The following MRPS6 variants were observed in gnomAD, a reference collection of about 807,000 sequenced individuals.
MRPS6 encodes small ribosomal subunit protein bS6m.
A neutral mutation model predicts 13.1 loss-of-function variants in MRPS6; 6 were observed. The ratio of observed to expected loss-of-function variants is 0.46; its 90% CI spans 0.25 to 0.91. The LOEUF (loss-of-function observed/expected upper bound fraction) is 0.91. Ranked by LOEUF, MRPS6 falls within the 40% of genes least tolerant of loss-of-function variation. MRPS6 has a pLI of 0.18. For synonymous variants in MRPS6, 61 were observed against 56.5 expected (o/e 1.08, Z -0.36); for missense variants, 164 against 155.6 (o/e 1.05, Z -0.29).
At chr21:34,083,873 C>G (rs1315324573) in intron 1 of MRPS6, among the ~76,000 whole-genome samples, 2 of 152,134 alleles carry the variant, frequency 1.3e-5, no homozygotes, top group African/African-American at 4.8e-5. Context: ...TTAGGATGGA[C>G]TCATTGGAAA....
intron 1 of MRPS6, chr21:34,124,830 T>C (rs1439888618): frequency 6.5e-6 from 1 of 153,866 alleles, no homozygotes; most frequent in Non-Finnish European, 1.4e-5. Flanking sequence ...AGGGCAGAGT[T>C]TGGGTCTGAT....
chr21:34,128,412 G>C (rs978023841), intron 2 of MRPS6, among the ~76,000 whole-genome samples: 1 of 152,148 alleles, frequency 6.6e-6, no homozygotes, highest in Non-Finnish European at 1.5e-5. Context: ...CAGTAGGCTG[G>C]AAGAAAAGAG....
At chr21:34,132,284 C>T (rs375209012) in intron 2 of MRPS6, among the ~76,000 whole-genome samples, 18 of 152,122 alleles carry the variant, frequency 1.2e-4, no homozygotes, top group Admixed American at 6.5e-5. Context: ...GTTTTGGTAG[C>T]GTTTTCTTTC....
intron 1 of MRPS6, chr21:34,095,274 T>C (rs372120062): frequency 6.2e-6 from 10 of 1,614,078 alleles, no homozygotes; most frequent in Non-Finnish European, 8.5e-6. Context: ...CATTGGTTTT[T>C]TTGCCATGTG....
At chr21:34,102,715 CA>C in intron 1 of MRPS6, 1 of 1,000,118 alleles carries the variant, frequency 1.0e-6, no homozygotes, top group Non-Finnish European at 1.2e-6. Context: ...CAAATCAAGA[CA>C]AAACACAGTG....
At chr21:34,125,221 A>G (rs1249246487) in intron 1 of MRPS6, 120 bp from the exon 2 acceptor site, 1 of 1,430,152 alleles carries the variant, frequency 7.0e-7, no homozygotes, top group Non-Finnish European at 9.2e-7. Context: ...TGTTGCTTTT[A>G]CCCAGCGATT....
chr21:34,116,273 C>T (rs1038643902), intron 1 of MRPS6, among the ~76,000 whole-genome samples: 1 of 149,518 alleles, frequency 6.7e-6, no homozygotes, highest in African/African-American at 2.5e-5. Context: ...GTCTCGAACT[C>T]CTGGGCTCAA....
chr21:34,077,168 T>C (rs573905102), intron 1 of MRPS6, among the ~76,000 whole-genome samples: 2 of 152,346 alleles, frequency 1.3e-5, no homozygotes, highest in South Asian at 2.1e-4. Context: ...TTTCACTTGA[T>C]AATTAGATTT....
intron 1 of MRPS6, among the ~76,000 whole-genome samples, chr21:34,078,229 A>G (rs933293948): frequency 1.3e-5 from 2 of 152,102 alleles, no homozygotes; most frequent in Non-Finnish European, 2.9e-5. Context: ...GCTTGAAACC[A>G]GGCAACTTAA....
At chr21:34,104,325 A>C in intron 1 of MRPS6, 3 of 1,000,022 alleles carry the variant, frequency 3.0e-6, no homozygotes, top group Non-Finnish European at 3.6e-6. Flanking sequence ...GTGTGTGTAG[A>C]AGAAAACGTA....
intron 1 of MRPS6, among the ~76,000 whole-genome samples, chr21:34,074,290 C>T (rs774425042): frequency 1.3e-5 from 2 of 152,066 alleles, no homozygotes; most frequent in African/African-American, 2.4e-5. Flanking sequence ...TTGTTTGTGC[C>T]GTTGTCTGTA....
At chr21:34,104,234 C>T (rs1197514745) in intron 1 of MRPS6, 1 of 999,940 alleles carries the variant, frequency 1.0e-6, no homozygotes, top group Non-Finnish European at 1.2e-6. Context: ...AGCTACTTTG[C>T]TTTTCACAAT....
chr21:34,090,743 G>C (rs1978642941), intron 1 of MRPS6, among the ~76,000 whole-genome samples: 1 of 152,268 alleles, frequency 6.6e-6, no homozygotes, highest in Middle Eastern at 3.4e-3. Context: ...GGAGCAAGTT[G>C]GTTTCATTTT....
intron 2 of MRPS6, among the ~76,000 whole-genome samples, chr21:34,132,703 G>A (rs1980547948): frequency 6.6e-6 from 1 of 152,098 alleles, no homozygotes. Context: ...TGTGACCTGG[G>A]GCCTATCAGT....
At chr21:34,122,379 C>G (rs1027585245) in intron 1 of MRPS6, 1 of 152,134 alleles carries the variant, frequency 6.6e-6, no homozygotes, top group South Asian at 2.1e-4. Context: ...TCGTTTTATA[C>G]TTCTGGGTGT....
Position 34,095,900 on chromosome 21 carries a change from C to A in MRPS6, c.45+22155C>A, listed in dbSNP as rs1387395112. The A allele has an allele frequency of 1.9e-6, 3 of 1,614,100 alleles. No homozygotes were observed. In the East Asian group the frequency reaches 6.7e-5, roughly 36 times the overall value. On this transcript the variant is annotated intron_variant, in intron 1 of 2. Coordinates refer to ENST00000399312, the MANE Select transcript of MRPS6 (RefSeq NM_032476.4). ...CCATCTTATTGACATACAACCTTTC[C>A]AACACAAATTCTTGTAATGTCTCCC...
chr21:34,103,074 T>C, intron 1 of MRPS6: 1 of 1,000,134 alleles, frequency 1.0e-6, no homozygotes, highest in Non-Finnish European at 1.2e-6. Flanking sequence ...CATTAGTAAC[T>C]CATCTTTTTG....
At chr21:34,091,366 TA>T (rs888949645) in intron 1 of MRPS6, among the ~76,000 whole-genome samples, 91 of 152,290 alleles carry the variant, frequency 6.0e-4, no homozygotes, top group African/African-American at 2.1e-3. Context: ...TTTATTTTAT[TA>T]TTTTTTTGAT....
At position 34,096,995 on chromosome 21, in the gene MRPS6, G is replaced by A; in HGVS notation, c.45+23250G>A. 1 of 1,614,092 alleles carries A rather than the reference G, an allele frequency of 6.2e-7. No individual in the cohort carries two copies. Among genetic ancestry groups the A allele is most frequent in the Non-Finnish European group, 8.5e-7 (1 of 1,179,986 alleles). On this transcript the variant is annotated intron_variant, in intron 1 of 2. Coordinates refer to ENST00000399312, the MANE Select transcript of MRPS6 (RefSeq NM_032476.4). The surrounding 1 kb of genome is among the most constrained non-coding windows in gnomAD (Gnocchi z 5.9). ...CTGAAGACAGCATTAAGGGCCTTCA[G>A]CCTGAAGATGTTAATCTGTTGGTAA...
Sources: allele counts gnomAD v4.1 joint callset (sites outside exome capture counted in the v4.1 genomes callset), GRCh38; gene constraint gnomAD v4.1.1; non-coding constraint Gnocchi (gnomAD v3.1); transcripts MANE v1.5; gene names NCBI Gene and HGNC (gene_info 2026-07-23, HGNC 2026-07-21).